Variants in DECR2 observed in about 807,000 individuals in gnomAD.
DECR2 encodes 2,4-dienoyl-CoA reductase 2.
Under a neutral mutation model 29.2 loss-of-function variants are expected in DECR2, and 34 were observed. That is an observed-to-expected ratio of 1.16 (90% confidence interval 0.89 to 1.55). The LOEUF (loss-of-function observed/expected upper bound fraction) is 1.55, where lower values mean the gene tolerates loss of function less well. DECR2 is among the 40% of genes most tolerant of loss of function. DECR2 has a pLI of 0.00. For missense variants in DECR2, 485 were observed against 425.3 expected, an observed-to-expected ratio of 1.14 and a Z score of -1.23; for synonymous variants, 224 against 182.7, an observed-to-expected ratio of 1.23 and a Z score of -1.82.
In DECR2 at chr16:410,022, C is replaced by A; in HGVS notation, c.338-221C>A. On this transcript the variant is annotated intron_variant, in intron 4 of 8. Transcript: ENST00000219481. The surrounding 1 kb of genome is among the most constrained non-coding windows in gnomAD (Gnocchi z 4.1). ...CAAGGCCACAGTCGCAGGTACGGAG[C>A]CAGGGCTTCAGCATGTCTTCTCTTC... 1.7e-6 allele frequency: 1 copy of A among 594,866 alleles called. No individual in the cohort carries two copies. Among genetic ancestry groups the A allele is most frequent in the Non-Finnish European group, 2.9e-6 (1 of 348,932 alleles). 36.8% of individuals were successfully genotyped at this position (594,866 alleles called of 1,614,324 possible).
intron 1 of DECR2, among the ~76,000 whole-genome samples, chr16:403,450 A>G (rs1163688674): frequency 6.6e-6 from 1 of 152,182 alleles, no homozygotes; most frequent in African/African-American, 2.4e-5. Context: ...GAAAATCTCT[A>G]ATAAATAAAA....
In DECR2 at chr16:406,373, T is replaced by TAGGA; in HGVS notation, c.178_181dup (p.Ser61LysfsTer53). 6.2e-7 allele frequency: 1 copy of TAGGA among 1,607,942 alleles called. No homozygotes were observed. Among genetic ancestry groups the TAGGA allele is most frequent in the Non-Finnish European group, 8.5e-7 (1 of 1,179,926 alleles). On this transcript the variant is annotated frameshift_variant, in exon 3 of 9. Coordinates refer to ENST00000219481, the MANE Select transcript of DECR2 (RefSeq NM_020664.4). LOFTEE classifies it high-confidence loss of function. ...ACGGCTGCCATACGGTGATTGCCAG[T>TAGGA]AGGAGCCTGCCGCGAGTGCTGACGG...
chr16:410,791 C>T lies in DECR2; in HGVS notation c.556+7C>T. On this transcript the variant is annotated splice_region_variant and intron_variant, in intron 6 of 8. Transcript: ENST00000219481. The surrounding 1 kb of genome is among the most constrained non-coding windows in gnomAD (Gnocchi z 4.1). ...TCCGCCAAGGCCGCTGTGGGTATGACCACCCCCCCCCGCCCAGGTTTGCCC... is the reference window on the plus strand; with the variant it reads ...TCCGCCAAGGCCGCTGTGGGTATGATCACCCCCCCCCGCCCAGGTTTGCCC... The T allele has an allele frequency of 6.3e-6, 10 of 1,577,176 alleles. No homozygotes were observed. Among genetic ancestry groups the T allele is most frequent in the Non-Finnish European group, 8.6e-6 (10 of 1,162,824 alleles).
rs917052738 is a variant in DECR2 at position 410,035 on chromosome 16, A to G, written c.338-208A>G. ...GCAGGTACGGAGCCAGGGCTTCAGCATGTCTTCTCTTCTCGGGGACACAGT... is the reference window on the plus strand; with the variant it reads ...GCAGGTACGGAGCCAGGGCTTCAGCGTGTCTTCTCTTCTCGGGGACACAGT... On this transcript the variant is annotated intron_variant, in intron 4 of 8. Coordinates refer to ENST00000219481, the MANE Select transcript of DECR2 (RefSeq NM_020664.4). This position sits in a 1 kb window ranked among gnomAD's most constrained non-coding sequence, Gnocchi z 4.1. 3.2e-6 allele frequency: 2 copies of G among 628,680 alleles called. No homozygotes were observed. Among genetic ancestry groups the G allele is most frequent in the African/African-American group, 1.8e-5 (1 of 54,296 alleles). 38.9% of individuals were successfully genotyped at this position (628,680 alleles called of 1,614,324 possible).
chr16:405,039 T>G lies in DECR2; in HGVS notation c.149+15T>G, dbSNP rs780823776. 1 of 1,613,998 alleles carries G rather than the reference T, an allele frequency of 6.2e-7. No homozygotes were observed. The highest frequency in any genetic ancestry group is 2.2e-5 in the East Asian group (1 of 44,890). Reference sequence around the variant, plus strand: ...ATTTTCATGCGGTGAGACTGCTCTGTGTCCCTTCCCTGCTCCTCGCTTCTC... The same window carrying G: ...ATTTTCATGCGGTGAGACTGCTCTGGGTCCCTTCCCTGCTCCTCGCTTCTC... On this transcript the variant is annotated intron_variant, in intron 2 of 8. Transcript: ENST00000219481.
Position 405,718 on chromosome 16 carries a change from G to A in DECR2, c.150-628G>A, listed in dbSNP as rs1356392213. ...GAAGCGTAGTCTTGGGTGGCTGTGA[G>A]ACGGGCGTCTCCATGCTGTTACCCC... On this transcript the variant is annotated intron_variant, in intron 2 of 8. Coordinates refer to ENST00000219481, the MANE Select transcript of DECR2 (RefSeq NM_020664.4). 7 of 744,632 alleles carry A rather than the reference G, an allele frequency of 9.4e-6. No homozygotes were observed. The African/African-American group carries it at 1.3e-4, about 14-fold the overall frequency. 46.1% of individuals were successfully genotyped at this position (744,632 alleles called of 1,614,324 possible). A position where few individuals can be genotyped will look rare whatever the true frequency, so the allele number is the denominator to read the frequency against.
chr16:408,747 G>T (rs1395719889), intron 4 of DECR2, among the ~76,000 whole-genome samples: 2 of 151,800 alleles, frequency 1.3e-5, no homozygotes, highest in African/African-American at 4.8e-5. Context: ...AAACTCCTAG[G>T]CTCAAGCAAT....
chr16:411,254 A>T, intron 7 of DECR2, 107 bp from the exon 8 acceptor site: 1 of 1,264,174 alleles, frequency 7.9e-7, no homozygotes, highest in Non-Finnish European at 1.1e-6. Context: ...GGTGACACTG[A>T]CTGTGTCCTT....
In DECR2 at chr16:407,703, C is replaced by T. The variant is rs563839460; in HGVS notation, c.337+143C>T. 1.6e-4 allele frequency: 217 copies of T among 1,355,432 alleles called. 1 individual carries two copies. The African/African-American group carries it at 2.6e-3, about 16-fold the overall frequency. 84.0% of individuals were successfully genotyped at this position (1,355,432 alleles called of 1,614,324 possible). ...GGGTGGGCTGCACCCCATCCAGGTA[C>T]CTGAGGCCAAGACTCAGGCTCCGGC... On this transcript the variant is annotated intron_variant, in intron 4 of 8. Coordinates refer to ENST00000219481, the MANE Select transcript of DECR2 (RefSeq NM_020664.4).
At chr16:404,324 C>T (rs986155722) in intron 1 of DECR2, among the ~76,000 whole-genome samples, 20 of 150,902 alleles carry the variant, frequency 1.3e-4, no homozygotes, top group Non-Finnish European at 1.9e-4. Context: ...CCACAACCTC[C>T]GCCTCCTGGG....
intron 4 of DECR2, among the ~76,000 whole-genome samples, chr16:409,302 C>T (rs1484375213): frequency 2.0e-5 from 3 of 152,054 alleles, no homozygotes; most frequent in Admixed American, 6.6e-5. Flanking sequence ...CCCCCAGTAG[C>T]TGGGACTACA....
intron 2 of DECR2, chr16:405,736 G>A (rs1567339548): frequency 1.8e-6 from 1 of 559,336 alleles, no homozygotes; most frequent in Non-Finnish European, 3.1e-6. Flanking sequence ...TCTCCATGCT[G>A]TTACCCCCAG....
At chr16:405,211 C>G (rs779022853) in intron 2 of DECR2, 187 bp downstream of exon 2, 29 of 676,112 alleles carry the variant, frequency 4.3e-5, no homozygotes, top group Non-Finnish European at 6.2e-5. Flanking sequence ...GTCAGGACTT[C>G]AAGGCCCCTA....
chr16:403,125 A>G (rs2141802816), intron 1 of DECR2: 1 of 721,538 alleles, frequency 1.4e-6, no homozygotes, highest in Non-Finnish European at 1.7e-6. Context: ...CAGCCTCCCA[A>G]TTCTCCTGCT....
Position 403,329 on chromosome 16 carries a change from T to A in DECR2, c.80+1286T>A, listed in dbSNP as rs139386969. 2.0e-5 allele frequency among the ~76,000 whole-genome samples: 3 copies of A among 152,268 alleles called. No individual in the cohort carries two copies. In the East Asian group the frequency reaches 5.8e-4, roughly 29 times the overall value. ...GACGCTGCACCTGGCCCAAAATTAA[T>A]CTTTAATAATTAAGAATAGGAAAGG... On this transcript the variant is annotated intron_variant, in intron 1 of 8. Transcript: ENST00000219481.
chr16:407,383 GA>G, intron 3 of DECR2, 41 bp from the exon 4 acceptor site: 1 of 1,568,238 alleles, frequency 6.4e-7, no homozygotes, highest in Non-Finnish European at 8.6e-7. Flanking sequence ...TCTCCAGGCC[GA>G]GGCTGCAGGG....
intron 3 of DECR2, 66 bp from the exon 4 acceptor site, chr16:407,359 T>G: frequency 6.5e-7 from 1 of 1,532,636 alleles, no homozygotes; most frequent in Non-Finnish European, 8.7e-7. Context: ...CCTCTGCAGA[T>G]TCCAAAGGCC....
At chr16:406,265 G>A in intron 2 of DECR2, 81 bp from the exon 3 acceptor site, 1 of 1,462,426 alleles carries the variant, frequency 6.8e-7, no homozygotes, top group East Asian at 2.3e-5. Context: ...CCGCCTGAGA[G>A]ACTCCTGCTC....
At chr16:405,501 C>T (rs1270395938) in intron 2 of DECR2, 15 of 1,295,670 alleles carry the variant, frequency 1.2e-5, no homozygotes, top group Non-Finnish European at 1.3e-5. Context: ...CCACTGGTGG[C>T]TTTGTGCTCA....
Sources: gnomAD v4.1 joint callset for allele counts (sites outside exome capture counted in the v4.1 genomes callset) on GRCh38, gnomAD v4.1.1 for gene constraint, Gnocchi (gnomAD v3.1) non-coding constraint, MANE v1.5 for transcripts, NCBI Gene and HGNC (gene_info 2026-07-23, HGNC 2026-07-21) for gene names.